The following NKAIN3 variants were observed in gnomAD, a reference collection of about 807,000 sequenced individuals.
NKAIN3 encodes the protein sodium/potassium transporting ATPase interacting 3.
A neutral mutation model predicts 30.2 loss-of-function variants in NKAIN3; 25 were observed. The observed-to-expected ratio is 0.83, with a 90% CI of 0.60 to 1.16. The LOEUF (loss-of-function observed/expected upper bound fraction) is 1.16, where lower values mean the gene tolerates loss of function less well. Ranked by LOEUF, NKAIN3 falls within the 50% of genes most tolerant of loss-of-function variation. NKAIN3 has a pLI of 0.00. For synonymous variants in NKAIN3, 91 were observed against 89.6 expected (o/e 1.02, Z -0.09); for missense variants, 225 against 254.1 (o/e 0.89, Z 0.78).
chr8:62,737,299 G>A (rs1294501998), intron 3 of NKAIN3, among the ~76,000 whole-genome samples: 2 of 152,200 alleles, frequency 1.3e-5, no homozygotes, highest in Non-Finnish European at 2.9e-5. Flanking sequence ...TGTCATGGTG[G>A]AGAAGGACCC....
chr8:62,437,108 T>C (rs1402608368), intron 1 of NKAIN3, among the ~76,000 whole-genome samples: 1 of 152,108 alleles, frequency 6.6e-6, no homozygotes, highest in Admixed American at 6.6e-5. Flanking sequence ...CTGGTACTAT[T>C]AGTTGTGAGA....
chr8:62,624,343 G>T, intron 3 of NKAIN3, among the ~76,000 whole-genome samples: 1 of 151,536 alleles, frequency 6.6e-6, no homozygotes, highest in East Asian at 1.9e-4. Context: ...GAGTTGCTGT[G>T]GTTCAAACAC....
downstream of NKAIN3, chr8:62,984,959 A>C (rs1230034682): frequency 6.6e-6 from 1 of 152,220 alleles, no homozygotes; most frequent in Non-Finnish European, 1.5e-5. Context: ...TATTGTAGTA[A>C]ACTTAGAAAC....
chr8:62,665,179 A>G (rs1351361), intron 3 of NKAIN3, among the ~76,000 whole-genome samples: 132,222 of 152,240 alleles, frequency 0.87, 57,561 homozygotes, highest in African/African-American at 0.93. Flanking sequence ...GGTTTAAGAA[A>G]CATTAAAGTA....
rs77205251 is a variant in NKAIN3, at chr8:62,252,727, C to T, written c.54+3600C>T. 5.2e-3 allele frequency among the ~76,000 whole-genome samples: 788 copies of T among 152,276 alleles called. 4 individuals are homozygous for T. Among genetic ancestry groups the T allele is most frequent in the Non-Finnish European group, 7.6e-3 (514 of 68,024 alleles). On this transcript the variant is annotated intron_variant, in intron 1 of 6. Coordinates refer to ENST00000623646, the MANE Select transcript of NKAIN3 (RefSeq NM_001304533.3). ...TTACTGTGTCACTGATTCATCTAGT[C>T]ATCCAAGAGCCTTTAGTACATTTTT...
rs150338921 is a variant in NKAIN3, at chr8:62,762,168, T to C, written c.471+15039T>C. ...CCGTCTCTACTAAAAATATAAAAAT[T>C]AGCCAGGCATGGTGGTGGGCACCTG... On this transcript the variant is annotated intron_variant, in intron 4 of 6. Transcript: ENST00000623646. Among the ~76,000 whole-genome samples the C allele has an allele frequency of 5.9e-5, 9 of 152,000 alleles. No homozygotes were observed. In the East Asian group the frequency reaches 1.7e-3, roughly 29 times the overall value.
At chr8:62,729,940 C>A (rs1276715206) in intron 3 of NKAIN3, among the ~76,000 whole-genome samples, 1 of 152,180 alleles carries the variant, frequency 6.6e-6, no homozygotes, top group African/African-American at 2.4e-5. Flanking sequence ...AGCATATGCT[C>A]ATTTTAAACT....
intron 4 of NKAIN3, among the ~76,000 whole-genome samples, chr8:62,764,031 G>T (rs1308340600): frequency 6.6e-6 from 1 of 152,166 alleles, no homozygotes; most frequent in Admixed American, 6.5e-5. Context: ...GGTTAGGGAG[G>T]GGTTTACCTT....
At chr8:62,866,767 C>T (rs1037524301) in intron 4 of NKAIN3, among the ~76,000 whole-genome samples, 7 of 152,008 alleles carry the variant, frequency 4.6e-5, no homozygotes, top group African/African-American at 1.4e-4. Flanking sequence ...AAAGTATTGG[C>T]CAGGCGCAGT....
intron 1 of NKAIN3, among the ~76,000 whole-genome samples, chr8:62,552,083 G>A (rs71525492): frequency 1.3e-5 from 2 of 152,048 alleles, no homozygotes; most frequent in Non-Finnish European, 2.9e-5. Flanking sequence ...TGTATATTGC[G>A]GTGCAACACA....
intron 3 of NKAIN3, among the ~76,000 whole-genome samples, chr8:62,617,850 T>A (rs1811507277): frequency 1.3e-5 from 2 of 152,184 alleles, no homozygotes. Flanking sequence ...AAGTGTTCTG[T>A]CTTATCTAGG....
chr8:62,255,059 A>C (rs1812223553), intron 1 of NKAIN3, among the ~76,000 whole-genome samples: 1 of 152,190 alleles, frequency 6.6e-6, no homozygotes, highest in Non-Finnish European at 1.5e-5. Flanking sequence ...CCCATACCTC[A>C]GAATGTGATT....
In NKAIN3 at chr8:62,267,820, CTG is replaced by C. The variant is rs572319559; in HGVS notation, c.54+18695_54+18696del. Among the ~76,000 whole-genome samples, 55 of 152,270 alleles carry C rather than the reference CTG, an allele frequency of 3.6e-4. 1 individual carries two copies. The South Asian group carries it at 0.011, about 31-fold the overall frequency. ...CATAGATTGTTGGTCAGAATACAAA[CTG>C]TTTATTTCTGATCTGCAAGTAGCCA... On this transcript the variant is annotated intron_variant, in intron 1 of 6. Coordinates refer to ENST00000623646, the MANE Select transcript of NKAIN3 (RefSeq NM_001304533.3).
chr8:62,669,872 G>C (rs1813245023), intron 3 of NKAIN3, among the ~76,000 whole-genome samples: 1 of 152,118 alleles, frequency 6.6e-6, no homozygotes, highest in Non-Finnish European at 1.5e-5. Flanking sequence ...TGCATGTTAA[G>C]GAAACCAGCT....
At chr8:62,579,129 A>C (rs1428936528) in intron 1 of NKAIN3, among the ~76,000 whole-genome samples, 5 of 151,902 alleles carry the variant, frequency 3.3e-5, no homozygotes, top group Non-Finnish European at 7.4e-5. Flanking sequence ...TTACATATGT[A>C]TGCCTATATT....
intron 4 of NKAIN3, among the ~76,000 whole-genome samples, chr8:62,870,733 C>CTATATCTCTATATCTATA (rs1249199743): frequency 6.8e-4 from 95 of 140,208 alleles, no homozygotes; most frequent in Middle Eastern, 4.1e-3. Flanking sequence ...ATCTATATAT[C>CTATATCTCTATATCTATA]TATATATATC....
chr8:62,750,802 A>G (rs150434213), intron 4 of NKAIN3, among the ~76,000 whole-genome samples: 134 of 152,232 alleles, frequency 8.8e-4, no homozygotes, highest in African/African-American at 3.2e-3. Flanking sequence ...AATGCAATCC[A>G]TGCTGGAGTG....
chr8:62,542,666 T>C (rs1027152266), intron 1 of NKAIN3, among the ~76,000 whole-genome samples: 3 of 152,104 alleles, frequency 2.0e-5, no homozygotes, highest in Non-Finnish European at 4.4e-5. Context: ...ACTCACGCAA[T>C]ATTTAAACCA....
intron 3 of NKAIN3, among the ~76,000 whole-genome samples, chr8:62,741,358 AGAAAGAAGGAAG>A (rs1230755273): frequency 1.7e-5 from 2 of 120,938 alleles, no homozygotes; most frequent in Non-Finnish European, 1.7e-5. Flanking sequence ...AGAAAGAGAG[AGAAAGAAGGAAG>A]GAAGGAAGGA....
Sources: gnomAD v4.1 joint callset for allele counts (sites outside exome capture counted in the v4.1 genomes callset) on GRCh38, gnomAD v4.1.1 for gene constraint, MANE v1.5 for transcripts, NCBI Gene and HGNC (gene_info 2026-07-23, HGNC 2026-07-21) for gene names.